The following NMRK1 variants were observed in gnomAD, a reference collection of about 807,000 sequenced individuals.
The protein encoded by NMRK1 is nicotinamide riboside kinase 1, also known as NRK 1.
A neutral mutation model predicts 29.9 loss-of-function variants in NMRK1; 28 were observed. The ratio of observed to expected loss-of-function variants is 0.94; its 90% CI spans 0.69 to 1.28. The LOEUF (loss-of-function observed/expected upper bound fraction) is 1.28. NMRK1 is among the 50% of genes most tolerant of loss of function. NMRK1 has a pLI of 0.00. For missense variants in NMRK1, 218 were observed against 233.1 expected, an observed-to-expected ratio of 0.94 and a Z score of 0.42; for synonymous variants, 58 against 73.0, an observed-to-expected ratio of 0.79 and a Z score of 1.05.
intron 4 of NMRK1, among the ~76,000 whole-genome samples, chr9:75,073,749 A>T (rs1242471558): frequency 6.6e-6 from 1 of 152,202 alleles, no homozygotes; most frequent in African/African-American, 2.4e-5. Context: ...AATAAAAAAT[A>T]AACAAACAAA....
chr9:75,072,195 T>C (rs1823738026), intron 4 of NMRK1, among the ~76,000 whole-genome samples: 1 of 152,212 alleles, frequency 6.6e-6, no homozygotes, highest in Non-Finnish European at 1.5e-5. Context: ...CCTGTATATG[T>C]AGGAGGCAAA....
At chr9:75,076,211 A>G (rs1823979423) in intron 4 of NMRK1, among the ~76,000 whole-genome samples, 1 of 152,252 alleles carries the variant, frequency 6.6e-6, no homozygotes. Flanking sequence ...CAAAGAAAGT[A>G]TGGTGTGTAT....
At chr9:75,064,858 G>C (rs143035509) in intron 8 of NMRK1, among the ~76,000 whole-genome samples, 73 of 152,294 alleles carry the variant, frequency 4.8e-4, no homozygotes, top group African/African-American at 1.7e-3. Context: ...ATTGCATTTT[G>C]CTGGTGTTAG....
intron 8 of NMRK1, among the ~76,000 whole-genome samples, chr9:75,063,303 C>T: frequency 2.6e-5 from 1 of 38,176 alleles, no homozygotes; most frequent in African/African-American, 1.1e-4. Context: ...GAGACTCCAT[C>T]TCAAAAAAAA....
intron 7 of NMRK1, 59 bp from the exon 8 acceptor site, chr9:75,066,899 T>A: frequency 1.1e-6 from 1 of 929,384 alleles, no homozygotes; most frequent in Non-Finnish European, 1.7e-6. Flanking sequence ...ATACAATGTT[T>A]ACTTTGACAC....
chr9:75,068,405 T>C (rs1481756301), intron 7 of NMRK1, among the ~76,000 whole-genome samples: 1 of 152,192 alleles, frequency 6.6e-6, no homozygotes. Flanking sequence ...TCCACTCCCC[T>C]GGTTTTCTTT....
chr9:75,066,392 A>G (rs962961520), intron 8 of NMRK1: 22 of 423,068 alleles, frequency 5.2e-5, no homozygotes, highest in Non-Finnish European at 9.2e-5. Context: ...CTTTAAGGGA[A>G]TAAAAGAAAA....
At chr9:75,066,166 C>A in intron 8 of NMRK1, 1 of 438,090 alleles carries the variant, frequency 2.3e-6, no homozygotes, top group South Asian at 1.7e-5. Context: ...AGAGTTCCAA[C>A]AATGGAACAC....
intron 6 of NMRK1, chr9:75,069,434 C>A: frequency 2.1e-6 from 1 of 470,888 alleles, no homozygotes; most frequent in Non-Finnish European, 3.7e-6. Flanking sequence ...AATTGGTGTT[C>A]TTTGTAGCTG....
chr9:75,073,950 T>C (rs1402371140), intron 4 of NMRK1, among the ~76,000 whole-genome samples: 8 of 152,232 alleles, frequency 5.3e-5, no homozygotes, highest in Non-Finnish European at 2.9e-5. Context: ...TCGTTTGGTA[T>C]TAGTATAGTT....
intron 4 of NMRK1, among the ~76,000 whole-genome samples, chr9:75,072,314 C>T (rs1823746377): frequency 6.6e-6 from 1 of 152,086 alleles, no homozygotes; most frequent in Admixed American, 6.6e-5. Flanking sequence ...TGTTGCATTA[C>T]GTCTAGGGTT....
rs574380916 is a variant in NMRK1, at chr9:75,063,141, A to G, written c.581-1574T>C. On this transcript the variant is annotated intron_variant, in intron 8 of 8. Transcript: ENST00000361092. Reference sequence around the variant, plus strand: ...AACATGGTGAAACCCCGTCTCTACTAAAAAAATATAAAAAATTAGCCAGGT... The same window carrying G: ...AACATGGTGAAACCCCGTCTCTACTGAAAAAATATAAAAAATTAGCCAGGT... Among the ~76,000 whole-genome samples, 145 of 151,912 alleles carry G rather than the reference A, an allele frequency of 9.5e-4. 1 individual carries two copies. Among genetic ancestry groups the G allele is most frequent in the Middle Eastern group, 3.4e-3 (1 of 294 alleles).
rs528861612 is a variant in NMRK1, at chr9:75,062,210, G to A, written c.581-643C>T. On this transcript the variant is annotated intron_variant, in intron 8 of 8. Transcript: ENST00000361092. ...TTTTTATGGCATGTGATATATCCATGTGAAACACTTGTAACAACAGTAAAT... is the reference window on the plus strand; with the variant it reads ...TTTTTATGGCATGTGATATATCCATATGAAACACTTGTAACAACAGTAAAT... Among the ~76,000 whole-genome samples the A allele has an allele frequency of 3.0e-3, 462 of 152,262 alleles. 2 individuals carry two copies. Among genetic ancestry groups the A allele is most frequent in the African/African-American group, 0.01 (421 of 41,556 alleles).
chr9:75,077,591 GA>G lies in NMRK1; in HGVS notation c.30-12del. Reference sequence around the variant, plus strand: ...CCACTGTTTGTCACACTGAAGCAAAGAAAAAAGAAAGTACCAAGAAGGAAAA... The same window carrying G: ...CCACTGTTTGTCACACTGAAGCAAAGAAAAAGAAAGTACCAAGAAGGAAAA... On this transcript the variant is annotated splice_polypyrimidine_tract_variant and intron_variant, in intron 2 of 8. Coordinates refer to ENST00000361092, the MANE Select transcript of NMRK1 (RefSeq NM_017881.3). 6.3e-7 allele frequency: 1 copy of G among 1,589,542 alleles called. No homozygotes were observed. Among genetic ancestry groups the G allele is most frequent in the Non-Finnish European group, 8.6e-7 (1 of 1,164,706 alleles).
Position 75,061,212 on chromosome 9 carries a change from G to A in NMRK1, c.*336C>T, listed in dbSNP as rs1224514090. The A allele has an allele frequency of 1.1e-5, 3 of 285,522 alleles. No individual in the cohort carries two copies. Among genetic ancestry groups the A allele is most frequent in the East Asian group, 6.5e-5 (1 of 15,332 alleles). 17.7% of individuals were successfully genotyped at this position (285,522 alleles called of 1,614,324 possible). On this transcript the variant is annotated 3_prime_UTR_variant, in exon 9 of 9. Coordinates refer to ENST00000361092, the MANE Select transcript of NMRK1 (RefSeq NM_017881.3). ...AATTCCACAGATATTGGATTGTGAT[G>A]TAATCTTTATTTCTTACTCTGAGCT...
rs1473339934 is a variant in NMRK1 at position 75,060,682 on chromosome 9, G to A, written c.*866C>T. ...GATCACACAATTCAGATCTCCTTCT[G>A]TGCTTTCCAAAGATAGGTCCCCTGG... On this transcript the variant is annotated 3_prime_UTR_variant, in exon 9 of 9. Transcript: ENST00000361092. 6.6e-6 allele frequency: 1 copy of A among 152,108 alleles called. No homozygotes were observed. The highest frequency in any genetic ancestry group is 1.5e-5 in the Non-Finnish European group (1 of 68,036). 9.4% of individuals were successfully genotyped at this position (152,108 alleles called of 1,614,324 possible). A position where few individuals can be genotyped will look rare whatever the true frequency, so the allele number is the denominator to read the frequency against.
At chr9:75,068,089 C>G (rs1248919495) in intron 7 of NMRK1, among the ~76,000 whole-genome samples, 1 of 152,118 alleles carries the variant, frequency 6.6e-6, no homozygotes, top group South Asian at 2.1e-4. Context: ...GTCTGCAATG[C>G]CTTCACTTTT....
intron 4 of NMRK1, among the ~76,000 whole-genome samples, chr9:75,073,221 C>T (rs949974142): frequency 6.6e-6 from 1 of 152,044 alleles, no homozygotes; most frequent in Non-Finnish European, 1.5e-5. Context: ...GTGATGCAGC[C>T]GAAACCAAGG....
intron 8 of NMRK1, among the ~76,000 whole-genome samples, chr9:75,061,831 T>C (rs1187951993): frequency 6.6e-6 from 1 of 152,218 alleles, no homozygotes; most frequent in Non-Finnish European, 1.5e-5. Context: ...CAGAGAATGA[T>C]ATAGTTTGAA....
Sources: allele counts gnomAD v4.1 joint callset (sites outside exome capture counted in the v4.1 genomes callset), GRCh38; gene constraint gnomAD v4.1.1; transcripts MANE v1.5; gene names NCBI Gene and HGNC (gene_info 2026-07-23, HGNC 2026-07-21).